DRC11: variants seen among roughly 807,000 people sequenced by gnomAD.
DRC11 encodes IQ and AAA domain-containing protein 1.
the DRC11 span, chr2:236,363,818 T>G: frequency 6.2e-7 from 1 of 1,614,008 alleles, no homozygotes; most frequent in Non-Finnish European, 8.5e-7. The surrounding 1 kb of genome is among the most constrained non-coding windows in gnomAD (Gnocchi z 5.6). Flanking sequence ...AGGCCATTTT[T>G]GCCAGGGTAT....
the DRC11 span, chr2:236,486,873 C>T: frequency 1.2e-6 from 2 of 1,610,554 alleles, no homozygotes; most frequent in South Asian, 1.1e-5. The surrounding 1 kb of genome is among the most constrained non-coding windows in gnomAD (Gnocchi z 5.7). Flanking sequence ...TTTTCAGTTT[C>T]CTTACGTTGA....
chr2:236,392,065 C>T, the DRC11 span: 10 of 1,613,718 alleles, frequency 6.2e-6, no homozygotes, highest in South Asian at 3.3e-5. This position sits in a 1 kb window ranked among gnomAD's most constrained non-coding sequence, Gnocchi z 5.1. Context: ...CTCATCAACT[C>T]ATCAACCTAG....
chr2:236,404,373 G>C, the DRC11 span, among the ~76,000 whole-genome samples: 1 of 151,858 alleles, frequency 6.6e-6, no homozygotes, highest in Non-Finnish European at 1.5e-5. Context: ...CCTTCCATCA[G>C]CTGAGGCCCA....
chr2:236,500,938 T>G, the DRC11 span, among the ~76,000 whole-genome samples: 1 of 152,176 alleles, frequency 6.6e-6, no homozygotes, highest in Non-Finnish European at 1.5e-5. This position sits in a 1 kb window ranked among gnomAD's most constrained non-coding sequence, Gnocchi z 6.3. Context: ...CCTCAAGTGA[T>G]CTGCCCACCT....
chr2:236,449,430 G>A, the DRC11 span, among the ~76,000 whole-genome samples: 1 of 152,218 alleles, frequency 6.6e-6, no homozygotes, highest in Non-Finnish European at 1.5e-5. This position sits in a 1 kb window ranked among gnomAD's most constrained non-coding sequence, Gnocchi z 5.1. Context: ...TCCACGGGGT[G>A]TTTGCCTGGC....
chr2:236,427,039 A>G, the DRC11 span, among the ~76,000 whole-genome samples: 1 of 152,300 alleles, frequency 6.6e-6, no homozygotes, highest in East Asian at 1.9e-4. The surrounding 1 kb of genome is among the most constrained non-coding windows in gnomAD (Gnocchi z 5.9). Flanking sequence ...AAATGATCAT[A>G]TGATTTTTAT....
the DRC11 span, among the ~76,000 whole-genome samples, chr2:236,370,391 T>C: frequency 7.2e-5 from 11 of 152,168 alleles, no homozygotes; most frequent in Admixed American, 7.2e-4. The surrounding 1 kb of genome is among the most constrained non-coding windows in gnomAD (Gnocchi z 5.5). Flanking sequence ...AGTAAAGGCC[T>C]GGCATCTTGG....
the DRC11 span, among the ~76,000 whole-genome samples, chr2:236,437,866 C>T: frequency 1.6e-4 from 24 of 146,252 alleles, no homozygotes; most frequent in African/African-American, 4.8e-4. Context: ...GAGTAGGTTG[C>T]GAAAATTTTC....
chr2:236,489,921 T>C, the DRC11 span, among the ~76,000 whole-genome samples: 1 of 151,990 alleles, frequency 6.6e-6, no homozygotes, highest in Non-Finnish European at 1.5e-5. Flanking sequence ...TGAGATTCTG[T>C]CTCTAAAAAG....
chr2:236,383,888 C>G, the DRC11 span, among the ~76,000 whole-genome samples: 1 of 146,246 alleles, frequency 6.8e-6, no homozygotes, highest in Non-Finnish European at 1.5e-5. Flanking sequence ...TTGTTCAATT[C>G]CCACCTATGA....
the DRC11 span, among the ~76,000 whole-genome samples, chr2:236,354,181 GTC>G: frequency 4.4e-5 from 5 of 113,608 alleles, no homozygotes; most frequent in African/African-American, 1.8e-4. Context: ...ATGCGTGTAT[GTC>G]TGTGGTCAAT....
chr2:236,349,523 G>A, the DRC11 span, among the ~76,000 whole-genome samples: 1 of 152,106 alleles, frequency 6.6e-6, no homozygotes, highest in African/African-American at 2.4e-5. The surrounding 1 kb of genome is among the most constrained non-coding windows in gnomAD (Gnocchi z 5.5). Context: ...ATACACCATG[G>A]AACACTATGC....
chr2:236,363,667 A>G, the DRC11 span: 3 of 825,668 alleles, frequency 3.6e-6, no homozygotes, highest in Non-Finnish European at 6.0e-6. The surrounding 1 kb of genome is among the most constrained non-coding windows in gnomAD (Gnocchi z 5.6). Context: ...GGAGTAGACA[A>G]TGAGGAAATT....
At chr2:236,497,667 C>A in the DRC11 span, among the ~76,000 whole-genome samples, 1 of 152,192 alleles carries the variant, frequency 6.6e-6, no homozygotes, top group African/African-American at 2.4e-5. This position sits in a 1 kb window ranked among gnomAD's most constrained non-coding sequence, Gnocchi z 5.1. Flanking sequence ...CTTCTGATTT[C>A]TGAATATGTA....
chr2:236,340,158 T>G, the DRC11 span, among the ~76,000 whole-genome samples: 1 of 152,118 alleles, frequency 6.6e-6, no homozygotes, highest in Non-Finnish European at 1.5e-5. Context: ...TGAGACAGAG[T>G]CTCACTGTGT....
chr2:236,338,501 AACAC>A, the DRC11 span: 1 of 917,142 alleles, frequency 1.1e-6, no homozygotes, highest in African/African-American at 1.7e-5. Flanking sequence ...AGCTCTGACA[AACAC>A]AATTTCTTAA....
chr2:236,506,795 A>G, the DRC11 span, among the ~76,000 whole-genome samples: 2 of 152,242 alleles, frequency 1.3e-5, no homozygotes, highest in African/African-American at 4.8e-5. The surrounding 1 kb of genome is among the most constrained non-coding windows in gnomAD (Gnocchi z 4.9). Context: ...CACTTCTTTC[A>G]GTACCAATGC....
the DRC11 span, among the ~76,000 whole-genome samples, chr2:236,506,135 T>TC: frequency 6.6e-6 from 1 of 152,204 alleles, no homozygotes; most frequent in Non-Finnish European, 1.5e-5. The surrounding 1 kb of genome is among the most constrained non-coding windows in gnomAD (Gnocchi z 4.9). Flanking sequence ...AAGTTACTTC[T>TC]CCTGGAAACA....
chr2:236,504,715 G>T, the DRC11 span, among the ~76,000 whole-genome samples: 6,472 of 152,234 alleles, frequency 0.043, 287 homozygotes, highest in East Asian at 0.17. The surrounding 1 kb of genome is among the most constrained non-coding windows in gnomAD (Gnocchi z 5.0). Flanking sequence ...GACCCAGTGG[G>T]AGGTAACTGA....
Sources: allele counts gnomAD v4.1 joint callset (sites outside exome capture counted in the v4.1 genomes callset), GRCh38; gene constraint gnomAD v4.1.1; non-coding constraint Gnocchi (gnomAD v3.1); transcripts MANE v1.5; gene names NCBI Gene and HGNC (gene_info 2026-07-23, HGNC 2026-07-21).